Variants in PTK2 observed in about 807,000 individuals in gnomAD.
PTK2 encodes focal adhesion kinase 1.
PTK2 carries 45 observed loss-of-function variants against 150.1 expected under a neutral mutation model. That is an observed-to-expected ratio of 0.30 (90% confidence interval 0.24 to 0.38). PTK2 has a LOEUF of 0.38. Ranked by LOEUF, PTK2 falls within the 10% of genes least tolerant of loss-of-function variation. PTK2 has a pLI of 1.00. For missense variants in PTK2, 919 were observed against 1,307.3 expected (o/e 0.70, Z 4.58); for synonymous variants, 432 against 449.2 (o/e 0.96, Z 0.48).
intron 14 of PTK2, among the ~76,000 whole-genome samples, chr8:140,789,075 T>C (rs192798418): frequency 6.6e-6 from 1 of 152,328 alleles, no homozygotes; most frequent in East Asian, 1.9e-4. Context: ...AACACCATAT[T>C]GTGAAAGACA....
chr8:140,739,842 G>A (rs1054998592), intron 20 of PTK2, among the ~76,000 whole-genome samples: 14 of 152,160 alleles, frequency 9.2e-5, no homozygotes, highest in Middle Eastern at 3.2e-3. Context: ...GAGAGACTGC[G>A]GCCTTGCTGA....
intron 27 of PTK2, among the ~76,000 whole-genome samples, chr8:140,679,987 C>A (rs931881728): frequency 3.9e-5 from 6 of 152,150 alleles, no homozygotes; most frequent in African/African-American, 1.4e-4. Context: ...GTCTGTTGAG[C>A]AAGGCTGGCT....
At chr8:140,698,924 ATTTTTT>A (rs10713722) in intron 26 of PTK2, among the ~76,000 whole-genome samples, 2 of 96,200 alleles carry the variant, frequency 2.1e-5, no homozygotes, top group South Asian at 3.6e-4. Context: ...TAATTTTTGT[ATTTTTT>A]TTTTTTTTTT....
intron 2 of PTK2, among the ~76,000 whole-genome samples, chr8:140,923,770 C>T (rs1250681570): frequency 6.6e-6 from 1 of 152,196 alleles, no homozygotes; most frequent in African/African-American, 2.4e-5. Flanking sequence ...GTAAATCCTA[C>T]TTGAAAAGTA....
chr8:140,829,810 A>G (rs2100114227), intron 8 of PTK2, among the ~76,000 whole-genome samples: 1 of 152,144 alleles, frequency 6.6e-6, no homozygotes, highest in East Asian at 1.9e-4. Flanking sequence ...CAAGACCCTG[A>G]GGCTAGAAAA....
At chr8:140,660,438 G>C (rs2152473221) in intron 31 of PTK2, among the ~76,000 whole-genome samples, 1 of 152,268 alleles carries the variant, frequency 6.6e-6, no homozygotes, top group Admixed American at 6.5e-5. Flanking sequence ...TTTAAGGATG[G>C]TGGCAGGGCG....
chr8:140,859,072 C>T lies in PTK2; in HGVS notation c.450+5240G>A, dbSNP rs182387114. Among the ~76,000 whole-genome samples the T allele has an allele frequency of 3.9e-5, 6 of 152,166 alleles. No homozygotes were observed. In the South Asian group the frequency reaches 6.2e-4, roughly 16 times the overall value. The stretch of plus-strand genomic sequence containing the variant: ...TTTTTAAAATCTTCTTGAATGCTTA[C>T]GTGAGCTGGGAAACAAAACAAAACA... On this transcript the variant is annotated intron_variant, in intron 5 of 31. Coordinates refer to ENST00000522684, the Ensembl canonical transcript of PTK2.
chr8:140,693,390 T>TA (rs1477925144), intron 26 of PTK2, among the ~76,000 whole-genome samples: 3 of 150,512 alleles, frequency 2.0e-5, no homozygotes, highest in South Asian at 2.1e-4. Context: ...CCTATCTCTA[T>TA]AAAAAAAAGT....
chr8:140,904,696 G>C (rs59872026), intron 2 of PTK2, among the ~76,000 whole-genome samples: 3,367 of 152,216 alleles, frequency 0.022, 133 homozygotes, highest in African/African-American at 0.078. Flanking sequence ...GGTCCATTCA[G>C]GGATTTGACT....
chr8:140,661,434 C>T (rs910851812), intron 31 of PTK2, among the ~76,000 whole-genome samples: 1 of 152,052 alleles, frequency 6.6e-6, no homozygotes, highest in African/African-American at 2.4e-5. Context: ...TGGGAACAGA[C>T]ATGCAAGTGC....
intron 17 of PTK2, 33 bp from the exon 21 acceptor site, chr8:140,746,893 T>A (rs781315531): frequency 1.7e-4 from 32 of 189,356 alleles, no homozygotes; most frequent in Middle Eastern, 1.3e-3. Flanking sequence ...TTATTCTTTC[T>A]TTTTTTTTTT....
At chr8:140,914,994 T>C (rs766898822) in intron 2 of PTK2, among the ~76,000 whole-genome samples, 26 of 136,382 alleles carry the variant, frequency 1.9e-4, no homozygotes, top group South Asian at 2.3e-4. Context: ...GATCACGCCA[T>C]TGCACTCCAG....
At chr8:140,861,245 A>T (rs1193074091) in intron 5 of PTK2, among the ~76,000 whole-genome samples, 1 of 151,500 alleles carries the variant, frequency 6.6e-6, no homozygotes, top group Non-Finnish European at 1.5e-5. Context: ...ACTACTCAGG[A>T]GGCTGAGGCA....
intron 2 of PTK2, among the ~76,000 whole-genome samples, chr8:140,908,574 T>C (rs1277497838): frequency 6.6e-6 from 1 of 152,220 alleles, no homozygotes; most frequent in Non-Finnish European, 1.5e-5. Context: ...TAGGGGCTAA[T>C]GCAGCTGGTG....
intron 8 of PTK2, among the ~76,000 whole-genome samples, chr8:140,820,105 T>G (rs2100107447): frequency 2.5e-5 from 2 of 79,182 alleles, no homozygotes; most frequent in Non-Finnish European, 4.9e-5. Context: ...TTTTTTTTTT[T>G]TTTTTTTTTT....
At chr8:140,796,969 CTCATT>C (rs1481799946) in intron 12 of PTK2, among the ~76,000 whole-genome samples, 5 of 152,026 alleles carry the variant, frequency 3.3e-5, no homozygotes, top group African/African-American at 7.2e-5. Flanking sequence ...TGCATACTCC[CTCATT>C]TATTAATTTT....
intron 22 of PTK2, among the ~76,000 whole-genome samples, chr8:140,731,170 G>C (rs2100049082): frequency 1.3e-5 from 2 of 152,030 alleles, no homozygotes; most frequent in South Asian, 4.2e-4. Flanking sequence ...ATGTTGGCCA[G>C]GTTTGTCTCG....
intron 8 of PTK2, among the ~76,000 whole-genome samples, chr8:140,825,636 C>T (rs2100111360): frequency 6.6e-6 from 1 of 152,170 alleles, no homozygotes; most frequent in Non-Finnish European, 1.5e-5. Context: ...ACCCTTGGTA[C>T]CCACTGGTAG....
At chr8:140,712,860 G>A (rs1360975706) in intron 23 of PTK2, among the ~76,000 whole-genome samples, 1 of 152,184 alleles carries the variant, frequency 6.6e-6, no homozygotes, top group African/African-American at 2.4e-5. Flanking sequence ...GTAACAAACA[G>A]TTGTTTTCTT....
Sources: gnomAD v4.1 joint callset for allele counts (sites outside exome capture counted in the v4.1 genomes callset) on GRCh38, gnomAD v4.1.1 for gene constraint, MANE v1.5 for transcripts, NCBI Gene and HGNC (gene_info 2026-07-23, HGNC 2026-07-21) for gene names.